Variants in TCF25 observed in about 807,000 individuals in gnomAD.
TCF25 encodes the protein ribosome quality control complex subunit TCF25.
Under a neutral mutation model 83.1 loss-of-function variants are expected in TCF25, and 41 were observed. The observed-to-expected ratio is 0.49, with a 90% CI of 0.38 to 0.64. The LOEUF (loss-of-function observed/expected upper bound fraction) is 0.64, where lower values mean the gene tolerates loss of function less well. Among genes scored for constraint, TCF25 ranks in the 30% least tolerant of loss-of-function variants. TCF25 has a pLI of 0.00. For synonymous variants in TCF25, 458 were observed against 365.0 expected, an observed-to-expected ratio of 1.25 and a Z score of -2.90; for missense variants, 979 against 914.5, an observed-to-expected ratio of 1.07 and a Z score of -0.91.
intron 16 of TCF25, among the ~76,000 whole-genome samples, chr16:89,907,606 G>C (rs1396346584): frequency 2.8e-4 from 25 of 88,302 alleles, no homozygotes; most frequent in East Asian, 7.2e-4. Flanking sequence ...CCACCTCCCA[G>C]CTCCCACCTC....
At chr16:89,876,356 A>G (rs1017103859) in intron 1 of TCF25, among the ~76,000 whole-genome samples, 3 of 152,260 alleles carry the variant, frequency 2.0e-5, no homozygotes, top group Admixed American at 6.5e-5. Flanking sequence ...TATGGGAGAC[A>G]GTAAACAGCC....
intron 5 of TCF25, among the ~76,000 whole-genome samples, chr16:89,891,185 C>T (rs181985838): frequency 1.3e-5 from 2 of 152,332 alleles, no homozygotes; most frequent in East Asian, 3.9e-4. Context: ...CAGGCTGCCT[C>T]GTTGGGTCTG....
At chr16:89,887,563 T>C (rs2043111458) in intron 4 of TCF25, 89 bp from the exon 5 acceptor site, 1 of 1,293,770 alleles carries the variant, frequency 7.7e-7, no homozygotes, top group Admixed American at 2.9e-5. Flanking sequence ...CCGTGTTCTC[T>C]CCTTGACTAT....
At chr16:89,907,489 TCCCACCTCCCTCCTCCCACC>T (rs2144298573) in intron 16 of TCF25, among the ~76,000 whole-genome samples, 167 bp downstream of exon 16, 3 of 83,958 alleles carry the variant, frequency 3.6e-5, no homozygotes, top group African/African-American at 4.4e-5. Flanking sequence ...ACCTCCCAGC[TCCCACCTCCCTCCTCCCACC>T]TCCCACCTCC....
chr16:89,892,422 C>A, intron 6 of TCF25, 147 bp downstream of exon 6: 1 of 921,254 alleles, frequency 1.1e-6, no homozygotes, highest in Non-Finnish European at 1.6e-6. Context: ...CTGGCCTGCG[C>A]TGGGCACCAG....
intron 16 of TCF25, chr16:89,909,424 T>C (rs1053181383): frequency 8.2e-6 from 2 of 242,676 alleles, no homozygotes; most frequent in African/African-American, 2.3e-5. Context: ...GGCAGGAAAA[T>C]TGTTTGAACC....
In TCF25 at chr16:89,894,367, GGCCCCCGCGCAGCCCCAGACA is replaced by G. The variant is rs887165340; in HGVS notation, c.828+517_828+537del. Among the ~76,000 whole-genome samples, 9 of 148,818 alleles carry G rather than the reference GGCCCCCGCGCAGCCCCAGACA, an allele frequency of 6.0e-5. No individual in the cohort carries two copies. In the South Asian group the frequency reaches 6.4e-4, roughly 11 times the overall value. ...GACAGCTCCCCTTGCAGCCCCGGAC[GGCCCCCGCGCAGCCCCAGACA>G]GCCCCCGGGCGGCCCTCACGCAGCC... On this transcript the variant is annotated intron_variant, in intron 7 of 17. Transcript: ENST00000263346.
At chr16:89,909,020 C>T (rs1243088705) in intron 16 of TCF25, 5 of 1,289,418 alleles carry the variant, frequency 3.9e-6, no homozygotes, top group South Asian at 1.2e-5. Flanking sequence ...TCTGCGTTTG[C>T]AGGCCACGTT....
Position 89,895,150 on chromosome 16 carries a change from C to T in TCF25, c.928+13C>T, listed in dbSNP as rs373403780. ...CGAGACCTCGTAGGTAAGGCAGAGC[C>T]CCCACCCCATTCCCCTCAGCTGTGG... On this transcript the variant is annotated intron_variant, in intron 8 of 17. Coordinates refer to ENST00000263346, the MANE Select transcript of TCF25 (RefSeq NM_014972.3). 1.1e-5 allele frequency: 18 copies of T among 1,609,856 alleles called. No individual in the cohort carries two copies. The African/African-American group carries it at 1.7e-4, about 16-fold the overall frequency.
At chr16:89,882,607 G>A (rs879345361) in intron 1 of TCF25, among the ~76,000 whole-genome samples, 1 of 152,186 alleles carries the variant, frequency 6.6e-6, no homozygotes, top group Non-Finnish European at 1.5e-5. Flanking sequence ...TCTATTTTGA[G>A]ATGGAGTCTT....
intron 15 of TCF25, 129 bp from the exon 16 acceptor site, chr16:89,907,114 C>A: frequency 2.1e-6 from 2 of 933,604 alleles, no homozygotes; most frequent in South Asian, 1.5e-5. Flanking sequence ...CCGTTTCTGT[C>A]AGACTCTGTG....
intron 13 of TCF25, 66 bp from the exon 14 acceptor site, chr16:89,904,872 C>G: frequency 1.9e-6 from 3 of 1,551,288 alleles, no homozygotes; most frequent in Middle Eastern, 3.3e-4. Context: ...CCATGGGGCT[C>G]TGCCAGCCTC....
intron 1 of TCF25, among the ~76,000 whole-genome samples, chr16:89,881,273 C>CT (rs1022238499): frequency 1.3e-5 from 2 of 152,162 alleles, no homozygotes; most frequent in African/African-American, 4.8e-5. Flanking sequence ...GTTTCAGAAA[C>CT]TATCTCAGGG....
chr16:89,898,801 C>T lies in TCF25; in HGVS notation c.1150C>T (p.Leu384=). Residue 384 remains leucine (L), a synonymous_variant, in exon 11 of 18, where the codon CTG becomes TTG. Transcript: ENST00000263346. ...EPDEDPLCML[L]LIDHLALRAR... is the part of the protein sequence containing the mutation. ...GGATGAGGACCCCCTCTGCATGCTGCTGCTCATCGACCACCTGGCCTTGCG... is the reference window on the plus strand; with the variant it reads ...GGATGAGGACCCCCTCTGCATGCTGTTGCTCATCGACCACCTGGCCTTGCG... 2 of 1,613,954 alleles carry T rather than the reference C, an allele frequency of 1.2e-6. No homozygotes were observed. Among genetic ancestry groups the T allele is most frequent in the Non-Finnish European group, 8.5e-7 (1 of 1,180,048 alleles).
intron 16 of TCF25, chr16:89,909,275 G>A (rs930682425): frequency 2.4e-5 from 15 of 634,544 alleles, no homozygotes; most frequent in Middle Eastern, 6.3e-4. Context: ...AGTTTGAGAG[G>A]CCAAGGTGGG....
rs545850334 is a variant in TCF25 at position 89,909,466 on chromosome 16, G to A, written c.1800-1125G>A. 1.8e-5 allele frequency: 3 copies of A among 169,786 alleles called. No homozygotes were observed. In the South Asian group the frequency reaches 3.8e-4, roughly 21 times the overall value. The allele number at this position is 169,786 out of a possible 1,614,324, so 10.5% of individuals were successfully genotyped here. On this transcript the variant is annotated intron_variant, in intron 16 of 17. Transcript: ENST00000263346. The stretch of plus-strand genomic sequence containing the variant: ...GCACAGGTTGCAGTGAGTGGAGATC[G>A]TGCCACTGCACTCCATCCTGGCGAC...
intron 1 of TCF25, chr16:89,878,576 TGAA>T (rs1226566168): frequency 1.7e-5 from 20 of 1,174,052 alleles, no homozygotes; most frequent in Non-Finnish European, 2.0e-5. Context: ...AAGAACCTTG[TGAA>T]ATGTTCCCCA....
At chr16:89,896,779 C>T (rs993501448) in intron 9 of TCF25, among the ~76,000 whole-genome samples, 2 of 152,106 alleles carry the variant, frequency 1.3e-5, no homozygotes, top group African/African-American at 4.8e-5. Context: ...TGGTCTCCAT[C>T]TCCTGACCTT....
chr16:89,904,025 C>T (rs2044567489), intron 12 of TCF25, 93 bp from the exon 13 acceptor site: 11 of 1,276,604 alleles, frequency 8.6e-6, no homozygotes, highest in Admixed American at 4.1e-5. Context: ...GTGTCTGTGA[C>T]AAGGACCTCG....
Sources: gnomAD v4.1 joint callset for allele counts (sites outside exome capture counted in the v4.1 genomes callset) on GRCh38, gnomAD v4.1.1 for gene constraint, MANE v1.5 for transcripts, NCBI Gene and HGNC (gene_info 2026-07-23, HGNC 2026-07-21) for gene names.